The following TAFA1 variants were observed in gnomAD, a reference collection of about 807,000 sequenced individuals.
TAFA1 encodes the protein TAFA chemokine like family member 1, also known as chemokine-like protein TAFA-1.
A neutral mutation model predicts 18.5 loss-of-function variants in TAFA1; 4 were observed. The ratio of observed to expected loss-of-function variants is 0.22; its 90% confidence interval spans 0.11 to 0.49. The LOEUF is 0.49. TAFA1 is among the 20% of genes least tolerant of loss of function. TAFA1 has a pLI of 0.98. For synonymous variants in TAFA1, 56 were observed against 55.2 expected (o/e 1.01, Z -0.06); for missense variants, 147 against 169.0 (o/e 0.87, Z 0.72).
chr3:68,120,167 C>CTCTTT (rs1449201509), intron 2 of TAFA1, among the ~76,000 whole-genome samples: 24 of 147,580 alleles, frequency 1.6e-4, no homozygotes, highest in African/African-American at 5.6e-4. Flanking sequence ...CTTTCTCTTT[C>CTCTTT]TTTCTCTTTC....
intron 2 of TAFA1, among the ~76,000 whole-genome samples, chr3:68,344,891 CAACT>C (rs1233707561): frequency 6.6e-6 from 1 of 152,112 alleles, no homozygotes; most frequent in Non-Finnish European, 1.5e-5. Flanking sequence ...CTCTACCAGC[CAACT>C]AACAGCTAGC....
At chr3:68,000,928 A>T (rs1704276536), upstream of TAFA1, among the ~76,000 whole-genome samples, 1 of 150,062 alleles carries the variant, frequency 6.7e-6, no homozygotes, top group South Asian at 2.1e-4. Context: ...TTGAATGGCC[A>T]TTGGAATTGA....
chr3:68,539,688 T>TGGGGGGGG (rs1184533157), intron 4 of TAFA1, among the ~76,000 whole-genome samples: 2 of 12,452 alleles, frequency 1.6e-4, no homozygotes, highest in Non-Finnish European at 2.8e-4. Flanking sequence ...TGGGGGGGCA[T>TGGGGGGGG]GGGGTGGGTG....
intron 2 of TAFA1, among the ~76,000 whole-genome samples, chr3:68,381,853 T>G (rs1314947352): frequency 2.6e-5 from 4 of 152,210 alleles, no homozygotes; most frequent in Non-Finnish European, 5.9e-5. Context: ...TGTGCCAGTT[T>G]TCAAAGGGAA....
intron 2 of TAFA1, among the ~76,000 whole-genome samples, chr3:68,109,911 C>T (rs1269041444): frequency 6.6e-6 from 1 of 152,178 alleles, no homozygotes; most frequent in Non-Finnish European, 1.5e-5. Context: ...TTTTAAACTG[C>T]AGAGCCTCAT....
intron 3 of TAFA1, among the ~76,000 whole-genome samples, chr3:68,505,246 C>G (rs1179804817): frequency 6.6e-6 from 1 of 152,114 alleles, no homozygotes; most frequent in Non-Finnish European, 1.5e-5. Flanking sequence ...AACTACTGTC[C>G]TGGGAATAGT....
chr3:68,290,681 C>T (rs1434819797), intron 2 of TAFA1, among the ~76,000 whole-genome samples: 1 of 152,126 alleles, frequency 6.6e-6, no homozygotes, highest in Non-Finnish European at 1.5e-5. Context: ...TAGCAATTCT[C>T]TTCTCTTCAC....
At chr3:68,022,830 A>AAT (rs72150626) in intron 2 of TAFA1, among the ~76,000 whole-genome samples, 1 of 54,814 alleles carries the variant, frequency 1.8e-5, no homozygotes, top group East Asian at 3.6e-4. Context: ...TATTATATAT[A>AAT]ATATATATAT....
intron 2 of TAFA1, among the ~76,000 whole-genome samples, chr3:68,022,834 TATATATA>T (rs1704723125): frequency 7.0e-5 from 1 of 14,332 alleles, no homozygotes; most frequent in African/African-American, 2.0e-4. Flanking sequence ...ATATATAATA[TATATATA>T]TTATATATAT....
the TAFA1 span, among the ~76,000 whole-genome samples, chr3:67,996,532 G>A: frequency 6.6e-6 from 1 of 152,066 alleles, no homozygotes; most frequent in South Asian, 2.1e-4. Flanking sequence ...CGTGTGGTGA[G>A]TCATGCCTGC....
At chr3:68,345,915 C>G (rs1476320293) in intron 2 of TAFA1, among the ~76,000 whole-genome samples, 1 of 152,032 alleles carries the variant, frequency 6.6e-6, no homozygotes, top group Non-Finnish European at 1.5e-5. Context: ...AAAAGATTGG[C>G]CGGAGAGAGA....
intron 2 of TAFA1, among the ~76,000 whole-genome samples, chr3:68,313,091 C>T (rs1338647410): frequency 6.6e-6 from 1 of 152,108 alleles, no homozygotes; most frequent in Non-Finnish European, 1.5e-5. Flanking sequence ...GACTTGATCC[C>T]ATGAATAATC....
At chr3:68,496,364 C>T (rs764979011) in intron 3 of TAFA1, among the ~76,000 whole-genome samples, 29 of 152,124 alleles carry the variant, frequency 1.9e-4, no homozygotes, top group Non-Finnish European at 3.2e-4. Flanking sequence ...AAGACTAGGT[C>T]GTATGAAATC....
At chr3:68,125,553 G>A (rs1575630999) in intron 2 of TAFA1, among the ~76,000 whole-genome samples, 1 of 152,314 alleles carries the variant, frequency 6.6e-6, no homozygotes, top group East Asian at 1.9e-4. Context: ...TGTAATATCT[G>A]AGATGTGGAA....
At chr3:68,413,157 T>G (rs904138437) in intron 2 of TAFA1, among the ~76,000 whole-genome samples, 28 of 152,364 alleles carry the variant, frequency 1.8e-4, no homozygotes, top group Middle Eastern at 3.4e-3. Context: ...ATGTGTCTGT[T>G]GGCTACATAA....
chr3:68,020,957 G>C (rs1004954385), intron 2 of TAFA1, among the ~76,000 whole-genome samples: 26 of 151,958 alleles, frequency 1.7e-4, no homozygotes, highest in African/African-American at 6.0e-4. Context: ...AGGCTGATGA[G>C]GGTGGATCAC....
At chr3:68,041,846 T>C (rs1361734062) in intron 2 of TAFA1, among the ~76,000 whole-genome samples, 1 of 152,206 alleles carries the variant, frequency 6.6e-6, no homozygotes, top group Admixed American at 6.5e-5. Context: ...CAAGAAGGTA[T>C]GGCTTGTGGA....
At chr3:68,102,814 G>A (rs1483882992) in intron 2 of TAFA1, among the ~76,000 whole-genome samples, 1 of 152,256 alleles carries the variant, frequency 6.6e-6, no homozygotes, top group Middle Eastern at 3.4e-3. Context: ...CCTGGCACAA[G>A]GTCTTGGGCT....
At chr3:68,389,833 G>T (rs1465055089) in intron 2 of TAFA1, among the ~76,000 whole-genome samples, 1 of 152,134 alleles carries the variant, frequency 6.6e-6, no homozygotes, top group Non-Finnish European at 1.5e-5. Context: ...ATCCGGCCCA[G>T]ATACTACGCT....
Sources: allele counts gnomAD v4.1 joint callset (sites outside exome capture counted in the v4.1 genomes callset), GRCh38; gene constraint gnomAD v4.1.1; transcripts MANE v1.5; gene names NCBI Gene and HGNC (gene_info 2026-07-23, HGNC 2026-07-21).